Variants in ALDH2 observed in about 807,000 individuals in gnomAD.
ALDH2 encodes aldehyde dehydrogenase 2 family member.
Under a neutral mutation model 59.6 loss-of-function variants are expected in ALDH2, and 44 were observed. The observed-to-expected ratio is 0.74, with a 90% confidence interval of 0.58 to 0.95. The LOEUF (loss-of-function observed/expected upper bound fraction) is 0.95. Ranked by LOEUF, ALDH2 falls within the 40% of genes least tolerant of loss-of-function variation. ALDH2 has a pLI of 0.00. For missense variants in ALDH2, 570 were observed against 696.3 expected (o/e 0.82, Z 2.04); for synonymous variants, 291 against 284.0 (o/e 1.02, Z -0.25).
At chr12:111,779,070 G>T (rs1226430028) in intron 1 of ALDH2, among the ~76,000 whole-genome samples, 1 of 152,006 alleles carries the variant, frequency 6.6e-6, no homozygotes, top group Non-Finnish European at 1.5e-5. Context: ...TACCCATGTT[G>T]GTTTCAAACT....
At chr12:111,792,918 T>C in intron 9 of ALDH2, 136 bp downstream of exon 9, 3 of 974,702 alleles carry the variant, frequency 3.1e-6, no homozygotes, top group Non-Finnish European at 2.9e-6. Context: ...TTTGGGAAGC[T>C]ATGTTCCCTC....
chr12:111,781,789 A>G (rs1414937672), intron 1 of ALDH2, 129 bp from the exon 2 acceptor site: 1 of 673,778 alleles, frequency 1.5e-6, no homozygotes, highest in East Asian at 2.9e-5. Context: ...TGTGCTTTTC[A>G]TTTGTAGGCT....
chr12:111,815,914 C>T lies in ALDH2; in HGVS notation c.*6339C>T, dbSNP rs2136034284. The T allele has an allele frequency of 6.6e-6, 1 of 152,218 alleles. No individual in the cohort carries two copies. The highest frequency in any genetic ancestry group is 3.4e-3 in the Middle Eastern group (1 of 294). The allele number at this position is 152,218 out of a possible 1,614,324, so 9.4% of individuals were successfully genotyped here. On this transcript the variant is annotated 3_prime_UTR_variant, in exon 13 of 13. Coordinates refer to ENST00000261733, the MANE Select transcript of ALDH2 (RefSeq NM_000690.4). ...GTGCTAGGATTACAGGCATGAGACA[C>T]TGGGCACAGCCCTAATAGCTTATTT...
At chr12:111,779,827 C>T (rs557668569) in intron 1 of ALDH2, among the ~76,000 whole-genome samples, 2 of 152,360 alleles carry the variant, frequency 1.3e-5, no homozygotes, top group South Asian at 4.1e-4. Flanking sequence ...GTCTTCTCTG[C>T]ACTCCCCAAG....
intron 3 of ALDH2, 147 bp from the exon 4 acceptor site, chr12:111,785,120 A>T: frequency 1.4e-6 from 1 of 718,980 alleles, no homozygotes; most frequent in Non-Finnish European, 2.5e-6. Context: ...TAGTCCAGAG[A>T]TGCTAGTGAC....
At chr12:111,803,281 C>CAAAA (rs59141978) in intron 11 of ALDH2, among the ~76,000 whole-genome samples, 2 of 135,414 alleles carry the variant, frequency 1.5e-5, no homozygotes, top group African/African-American at 5.4e-5. Flanking sequence ...TTTTAAATTG[C>CAAAA]AAAAAAAAAA....
chr12:111,783,026 C>A, intron 2 of ALDH2, 132 bp from the exon 3 acceptor site: 1 of 1,158,232 alleles, frequency 8.6e-7, no homozygotes, highest in Non-Finnish European at 1.2e-6. Context: ...GGGCTAGGAG[C>A]ATTGTTTACG....
intron 11 of ALDH2, 107 bp from the exon 12 acceptor site, chr12:111,803,752 T>C (rs2068472133): frequency 1.4e-6 from 1 of 706,958 alleles, no homozygotes; most frequent in Non-Finnish European, 2.0e-6. Context: ...AAAAAATTTT[T>C]TTTTAAGTTA....
At chr12:111,780,926 T>C (rs1193914951) in intron 1 of ALDH2, among the ~76,000 whole-genome samples, 2 of 151,866 alleles carry the variant, frequency 1.3e-5, no homozygotes, top group Non-Finnish European at 2.9e-5. Flanking sequence ...CTGGGGAACA[T>C]AGAGGGACCT....
chr12:111,798,147 C>G lies in ALDH2; in HGVS notation c.1153C>G (p.Leu385Val), dbSNP rs748985887. The change falls in exon 10 of 13, where the codon CTG (leucine) becomes GTG (valine). Residue 385 changes from leucine (L) to valine (V), a missense_variant. By Grantham distance (32) the Leu-to-Val change is conservative (BLOSUM62 1). Transcript: ENST00000261733. ...NTGKQEGAKL[L>V]CGGGIAADRG... ...GGGGAAGCAAGAGGGGGCGAAGCTG[C>G]TGTGTGGTGGGGGCATTGCTGCTGA... 2 of 1,613,388 alleles carry G rather than the reference C, an allele frequency of 1.2e-6. No homozygotes were observed. The highest frequency in any genetic ancestry group is 2.7e-5 in the African/African-American group (2 of 74,914).
At chr12:111,796,612 T>A (rs1457797900) in intron 9 of ALDH2, among the ~76,000 whole-genome samples, 3 of 152,094 alleles carry the variant, frequency 2.0e-5, no homozygotes, top group Non-Finnish European at 4.4e-5. Context: ...GTTTATTTTT[T>A]AAAAAATAGG....
chr12:111,775,036 G>A (rs1399102374), intron 1 of ALDH2, among the ~76,000 whole-genome samples: 3 of 152,214 alleles, frequency 2.0e-5, no homozygotes, highest in Admixed American at 6.5e-5. Flanking sequence ...GTAGGAAATC[G>A]TTAAATAAAC....
At chr12:111,795,654 C>T (rs371015132) in intron 9 of ALDH2, among the ~76,000 whole-genome samples, 5 of 146,584 alleles carry the variant, frequency 3.4e-5, no homozygotes, top group Admixed American at 7.0e-5. Context: ...TACAGTGGCA[C>T]GATCTCGGCT....
At chr12:111,769,648 T>C (rs1256724524) in intron 1 of ALDH2, among the ~76,000 whole-genome samples, 1 of 151,876 alleles carries the variant, frequency 6.6e-6, no homozygotes, top group Non-Finnish European at 1.5e-5. Flanking sequence ...ACAATGTACC[T>C]GGGTTATCAT....
At chr12:111,770,524 A>T (rs976350974) in intron 1 of ALDH2, among the ~76,000 whole-genome samples, 1 of 151,348 alleles carries the variant, frequency 6.6e-6, no homozygotes, top group African/African-American at 2.4e-5. Context: ...GGAGTGTAGT[A>T]GTGCTCACTG....
intron 3 of ALDH2, 65 bp from the exon 4 acceptor site, chr12:111,785,202 T>C: frequency 7.4e-7 from 1 of 1,358,434 alleles, no homozygotes; most frequent in Middle Eastern, 1.8e-4. Context: ...TGGCGCCCTC[T>C]GTCAGCCCTT....
At chr12:111,782,529 G>A (rs1006222624) in intron 2 of ALDH2, among the ~76,000 whole-genome samples, 16 of 151,936 alleles carry the variant, frequency 1.1e-4, no homozygotes, top group African/African-American at 3.1e-4. Flanking sequence ...AGACCAGCCC[G>A]GGGAAACATA....
chr12:111,807,348 TCACAGCCA>T (rs2068504458), intron 12 of ALDH2, among the ~76,000 whole-genome samples: 1 of 151,420 alleles, frequency 6.6e-6, no homozygotes, highest in African/African-American at 2.4e-5. Flanking sequence ...AAAGATCAGC[TCACAGCCA>T]GTCTTGTTTA....
At chr12:111,778,006 C>G (rs1184316365) in intron 1 of ALDH2, among the ~76,000 whole-genome samples, 1 of 152,160 alleles carries the variant, frequency 6.6e-6, no homozygotes, top group African/African-American at 2.4e-5. Context: ...TTATGCGGAA[C>G]AAATTTCAGC....
Sources: gnomAD v4.1 joint callset for allele counts (sites outside exome capture counted in the v4.1 genomes callset) on GRCh38, gnomAD v4.1.1 for gene constraint, MANE v1.5 for transcripts, NCBI Gene and HGNC (gene_info 2026-07-23, HGNC 2026-07-21) for gene names.